Variants in FAM120B observed in about 807,000 individuals in gnomAD.
FAM120B encodes family with sequence similarity 120 member B.
Under a neutral mutation model 96.3 loss-of-function variants are expected in FAM120B, and 83 were observed. The observed-to-expected ratio is 0.86, with a 90% CI of 0.72 to 1.03. The LOEUF is 1.03. Among genes scored for constraint, FAM120B ranks in the 50% least tolerant of loss-of-function variants. FAM120B has a pLI of 0.00. For synonymous variants in FAM120B, 407 were observed against 402.7 expected (o/e 1.01, Z -0.13); for missense variants, 1,027 against 1,121.2 (o/e 0.92, Z 1.20).
intron 8 of FAM120B, among the ~76,000 whole-genome samples, chr6:170,395,176 G>T (rs1243071542): frequency 1.3e-5 from 2 of 152,172 alleles, no homozygotes; most frequent in African/African-American, 4.8e-5. Context: ...GCCATGGCCT[G>T]CATGGGTCCA....
At chr6:170,372,395 A>G (rs1202054302) in intron 6 of FAM120B, among the ~76,000 whole-genome samples, 2 of 114,296 alleles carry the variant, frequency 1.7e-5, no homozygotes, top group Non-Finnish European at 3.3e-5. Flanking sequence ...AATTATTCCA[A>G]GATGATGGTA....
chr6:170,389,825 T>C (rs1397901421), intron 7 of FAM120B, among the ~76,000 whole-genome samples: 1 of 152,132 alleles, frequency 6.6e-6, no homozygotes, highest in Non-Finnish European at 1.5e-5. Context: ...CCTCCCAAAG[T>C]GCTGGGATTA....
chr6:170,315,535 CT>C (rs1437138713), intron 1 of FAM120B, among the ~76,000 whole-genome samples: 1 of 152,114 alleles, frequency 6.6e-6, no homozygotes, highest in Non-Finnish European at 1.5e-5. Flanking sequence ...ACTCAAATAC[CT>C]TGGCTATGTT....
chr6:170,300,922 C>T (rs538935088), intron 1 of FAM120B, among the ~76,000 whole-genome samples: 1 of 152,336 alleles, frequency 6.6e-6, no homozygotes, highest in African/African-American at 2.4e-5. Flanking sequence ...CCTTCATGGG[C>T]TGGCATAGAG....
At chr6:170,382,398 T>C (rs113747826) in intron 6 of FAM120B, among the ~76,000 whole-genome samples, 3,926 of 152,252 alleles carry the variant, frequency 0.026, 150 homozygotes, top group African/African-American at 0.085. Flanking sequence ...AGTGAGACCC[T>C]GTCCTTAAAA....
intron 1 of FAM120B, among the ~76,000 whole-genome samples, chr6:170,312,202 A>AT (rs1470802548): frequency 6.6e-5 from 10 of 151,832 alleles, no homozygotes; most frequent in South Asian, 2.1e-4. Flanking sequence ...ATGTTTAAAA[A>AT]TTTTTTCTTG....
upstream of FAM120B, among the ~76,000 whole-genome samples, chr6:170,302,944 CT>C (rs202127989): frequency 6.9e-3 from 1,045 of 152,298 alleles, 13 homozygotes; most frequent in African/African-American, 0.024. Context: ...TTTTCCTTCC[CT>C]TTGCTGTAGT....
chr6:170,368,723 G>C (rs1446056042), intron 6 of FAM120B, among the ~76,000 whole-genome samples: 2 of 150,068 alleles, frequency 1.3e-5, no homozygotes, highest in Non-Finnish European at 3.0e-5. Context: ...AAACACCACG[G>C]ACTGGGTGGC....
At chr6:170,330,872 C>G (rs192397108) in intron 4 of FAM120B, 1 of 276,766 alleles carries the variant, frequency 3.6e-6, no homozygotes, top group South Asian at 6.6e-5. Context: ...GCCGCAGCCC[C>G]AGTGCCTGAT....
chr6:170,371,262 T>C (rs1456028822), intron 6 of FAM120B, among the ~76,000 whole-genome samples: 3 of 152,152 alleles, frequency 2.0e-5, no homozygotes, highest in Non-Finnish European at 4.4e-5. Flanking sequence ...GCCTTTCGTG[T>C]CTGGCATCAT....
chr6:170,302,253 G>A (rs192584731), upstream of FAM120B, among the ~76,000 whole-genome samples: 2,383 of 152,266 alleles, frequency 0.016, 35 homozygotes, highest in Non-Finnish European at 0.023. Context: ...GTGGAGTGAC[G>A]CAGGGGAAAA....
At chr6:170,341,122 A>T (rs1160718017) in intron 4 of FAM120B, among the ~76,000 whole-genome samples, 1 of 152,172 alleles carries the variant, frequency 6.6e-6, no homozygotes, top group East Asian at 1.9e-4. Flanking sequence ...CCCTTCCCCC[A>T]GGTGCTCTGT....
At chr6:170,293,601 G>A (rs903910525), upstream of FAM120B, among the ~76,000 whole-genome samples, 22 of 152,106 alleles carry the variant, frequency 1.4e-4, no homozygotes, top group African/African-American at 3.9e-4. Context: ...ACGCGATTCT[G>A]TATTGGGGAA....
At position 170,405,401 on chromosome 6, in the gene FAM120B, C is replaced by G. The variant is rs570796627; in HGVS notation, c.*650C>G. 6.6e-6 allele frequency: 1 copy of G among 152,342 alleles called. No homozygotes were observed. Among genetic ancestry groups the G allele is most frequent in the Non-Finnish European group, 1.5e-5 (1 of 68,040 alleles). 9.4% of individuals were successfully genotyped at this position (152,342 alleles called of 1,614,324 possible). Reference sequence around the variant, plus strand: ...TGCTATCTGAAAACCAAGAAGACCACTAAGTGACTAATGGTCAGAGAAGCT... The same window carrying G: ...TGCTATCTGAAAACCAAGAAGACCAGTAAGTGACTAATGGTCAGAGAAGCT... On this transcript the variant is annotated 3_prime_UTR_variant, in exon 11 of 11. Coordinates refer to ENST00000476287, the MANE Select transcript of FAM120B (RefSeq NM_032448.3).
In FAM120B at chr6:170,340,248, A is replaced by G. The variant is rs564754008; in HGVS notation, c.2018-7903A>G. Reference sequence around the variant, plus strand: ...CCTTATTTCAATATGTTGATCTTCAATCTGTGATATCCTTTCTAACACTTG... The same window carrying G: ...CCTTATTTCAATATGTTGATCTTCAGTCTGTGATATCCTTTCTAACACTTG... On this transcript the variant is annotated intron_variant, in intron 4 of 10. Transcript: ENST00000476287. Among the ~76,000 whole-genome samples the G allele has an allele frequency of 2.6e-5, 4 of 152,280 alleles. No homozygotes were observed. The East Asian group carries it at 7.7e-4, about 29-fold the overall frequency.
intron 9 of FAM120B, among the ~76,000 whole-genome samples, chr6:170,401,063 C>G (rs528633233): frequency 4.9e-4 from 75 of 152,332 alleles, no homozygotes; most frequent in African/African-American, 1.7e-3. Flanking sequence ...ATTTCTCATC[C>G]TCATGCAAAT....
At chr6:170,369,238 T>C (rs1457006355) in intron 6 of FAM120B, among the ~76,000 whole-genome samples, 1 of 152,180 alleles carries the variant, frequency 6.6e-6, no homozygotes, top group Non-Finnish European at 1.5e-5. Context: ...ACATAGACTT[T>C]CCAGTATTTA....
At chr6:170,375,832 C>T (rs1394148700) in intron 6 of FAM120B, among the ~76,000 whole-genome samples, 1 of 152,030 alleles carries the variant, frequency 6.6e-6, no homozygotes, top group Non-Finnish European at 1.5e-5. Context: ...TCAGAGACTC[C>T]AAGGAGGAAG....
At chr6:170,381,526 G>A (rs1789900019) in intron 6 of FAM120B, among the ~76,000 whole-genome samples, 1 of 151,788 alleles carries the variant, frequency 6.6e-6, no homozygotes, top group African/African-American at 2.4e-5. Context: ...CCCCAGTGAG[G>A]CCAGTATTAC....
Sources: allele counts gnomAD v4.1 joint callset (sites outside exome capture counted in the v4.1 genomes callset), GRCh38; gene constraint gnomAD v4.1.1; transcripts MANE v1.5; gene names NCBI Gene and HGNC (gene_info 2026-07-23, HGNC 2026-07-21).